The following CLEC16A variants were observed in gnomAD, a reference collection of about 807,000 sequenced individuals.
CLEC16A encodes the protein protein CLEC16A.
A neutral mutation model predicts 109.5 loss-of-function variants in CLEC16A; 51 were observed. The observed-to-expected ratio is 0.47, with a 90% CI of 0.37 to 0.59. The LOEUF (loss-of-function observed/expected upper bound fraction) is 0.59. CLEC16A is among the 20% of genes least tolerant of loss of function. CLEC16A has a pLI of 0.00. For missense variants in CLEC16A, 1,339 were observed against 1,394.0 expected (o/e 0.96, Z 0.63); for synonymous variants, 673 against 564.2 (o/e 1.19, Z -2.73).
chr16:11,139,949 A>G (rs1366905922), intron 22 of CLEC16A, among the ~76,000 whole-genome samples: 2 of 152,230 alleles, frequency 1.3e-5, no homozygotes, highest in African/African-American at 2.4e-5. Context: ...GTATGTAAAT[A>G]CTGTATAAAG....
rs568046974 is a variant in CLEC16A at position 11,053,763 on chromosome 16, A to C, written c.1995+2122A>C. ...GCTGAGCCACAAGTCAGCCCAGGCAATGTGGCCCCCAGAACCTAGACTCTT... is the reference window on the plus strand; with the variant it reads ...GCTGAGCCACAAGTCAGCCCAGGCACTGTGGCCCCCAGAACCTAGACTCTT... On this transcript the variant is annotated intron_variant, in intron 18 of 23. Transcript: ENST00000409790. 2.6e-5 allele frequency among the ~76,000 whole-genome samples: 4 copies of C among 152,290 alleles called. No homozygotes were observed. In the East Asian group the frequency reaches 7.7e-4, roughly 29 times the overall value.
intron 20 of CLEC16A, among the ~76,000 whole-genome samples, chr16:11,122,559 C>G (rs888778630): frequency 6.6e-6 from 1 of 152,140 alleles, no homozygotes; most frequent in Non-Finnish European, 1.5e-5. Context: ...ATGCAGAATG[C>G]CTCATCTGAT....
At position 10,982,924 on chromosome 16, in the gene CLEC16A, A is replaced by C; in HGVS notation, c.1004A>C (p.Glu335Ala). ...GCACCGCTGGTGAACTCGTTAGCTG[A>C]AGTCATTCTGAATGGTGATCTGTCT... Reference protein sequence around the residue: ...HHAPLVNSLAEVILNGDLSEM... With the variant: ...HHAPLVNSLAAVILNGDLSEM... Residue 335 changes from glutamate (E) to alanine (A), a missense_variant, in exon 10 of 24, where the codon GAA (glutamate) becomes GCA (alanine). By Grantham distance (107) the Glu-to-Ala change is moderately radical. Coordinates refer to ENST00000409790, the MANE Select transcript of CLEC16A (RefSeq NM_015226.3). The C allele has an allele frequency of 6.2e-7, 1 of 1,613,322 alleles. No homozygotes were observed. Among genetic ancestry groups the C allele is most frequent in the Non-Finnish European group, 8.5e-7 (1 of 1,179,244 alleles).
intron 23 of CLEC16A, among the ~76,000 whole-genome samples, chr16:11,175,516 T>C (rs1391069737): frequency 2.6e-5 from 4 of 152,148 alleles, no homozygotes; most frequent in Non-Finnish European, 5.9e-5. Flanking sequence ...TGGGTAATTT[T>C]CCCCCCAATG....
chr16:10,950,136 C>T (rs754511356), intron 1 of CLEC16A, among the ~76,000 whole-genome samples: 3 of 152,178 alleles, frequency 2.0e-5, no homozygotes, highest in Admixed American at 6.5e-5. Context: ...AGTTTCATCT[C>T]GGCCTTGAGT....
At position 11,057,923 on chromosome 16, in the gene CLEC16A, TAGATG is replaced by T. The variant is rs1311167028; in HGVS notation, c.1996-2975_1996-2971del. On this transcript the variant is annotated intron_variant, in intron 18 of 23. Transcript: ENST00000409790. Reference sequence around the variant, plus strand: ...GAACCATGCAGAGTCATTAAAAGCTTAGATGAGACAACCCCGTACAGCTGGCATAG... The same window carrying T: ...GAACCATGCAGAGTCATTAAAAGCTTAGACAACCCCGTACAGCTGGCATAG... 3.9e-5 allele frequency among the ~76,000 whole-genome samples: 6 copies of T among 152,296 alleles called. No individual in the cohort carries two copies. The East Asian group carries it at 1.2e-3, about 29-fold the overall frequency.
rs1291769501 is a variant in CLEC16A at position 11,083,637 on chromosome 16, C to A, written c.2116+22615C>A. ...TCACCCAACCATTTTTCTTTCCTTC[C>A]TAAGCCCATGTAATAATATCTGCCA... On this transcript the variant is annotated intron_variant, in intron 19 of 23. Coordinates refer to ENST00000409790, the MANE Select transcript of CLEC16A (RefSeq NM_015226.3). 5.4e-5 allele frequency among the ~76,000 whole-genome samples: 8 copies of A among 149,032 alleles called. No individual in the cohort carries two copies. The East Asian group carries it at 1.4e-3, about 25-fold the overall frequency.
At chr16:11,048,161 A>T (rs542159702) in intron 17 of CLEC16A, 1 of 152,504 alleles carries the variant, frequency 6.6e-6, no homozygotes, top group East Asian at 1.9e-4. Flanking sequence ...TGGCAGAGCC[A>T]CGCTTCTAGA....
intron 19 of CLEC16A, among the ~76,000 whole-genome samples, chr16:11,084,592 C>T (rs1387595384): frequency 1.3e-5 from 2 of 152,190 alleles, no homozygotes; most frequent in African/African-American, 2.4e-5. Flanking sequence ...ACACACTTTG[C>T]GTGGGTCTCT....
At chr16:11,147,995 C>T (rs576775126) in intron 22 of CLEC16A, among the ~76,000 whole-genome samples, 18 of 152,296 alleles carry the variant, frequency 1.2e-4, no homozygotes, top group Non-Finnish European at 2.2e-4. Context: ...AAACTCTGTT[C>T]TTACTGGTAA....
At chr16:11,002,591 C>A (rs1042663405) in intron 10 of CLEC16A, among the ~76,000 whole-genome samples, 1 of 152,098 alleles carries the variant, frequency 6.6e-6, no homozygotes, top group Non-Finnish European at 1.5e-5. Context: ...TCATTGCATC[C>A]ATCACTGGAG....
rs59547466 is a variant in CLEC16A, at chr16:10,986,012, A to ATTTTTTTTTTTTTT, written c.1071+3044_1071+3057dup. Reference sequence around the variant, plus strand: ...TGAGACACTGCACCTGGCCTGCAGAATTTTTTTTTTTTTTTTTTTTTTTTT... The same window carrying ATTTTTTTTTTTTTT: ...TGAGACACTGCACCTGGCCTGCAGAATTTTTTTTTTTTTTTTTTTTTTTTTTTTTTTTTTTTTTT... On this transcript the variant is annotated intron_variant, in intron 10 of 23. Coordinates refer to ENST00000409790, the MANE Select transcript of CLEC16A (RefSeq NM_015226.3). 4.1e-4 allele frequency among the ~76,000 whole-genome samples: 18 copies of ATTTTTTTTTTTTTT among 43,454 alleles called. 5 individuals are homozygous for ATTTTTTTTTTTTTT. Among genetic ancestry groups the ATTTTTTTTTTTTTT allele is most frequent in the African/African-American group, 1.4e-3 (12 of 8,822 alleles). 28.5% of individuals were successfully genotyped at this position (43,454 alleles called of 152,430 possible).
intron 11 of CLEC16A, among the ~76,000 whole-genome samples, chr16:11,013,758 C>G (rs2045578457): frequency 6.6e-6 from 1 of 151,496 alleles, no homozygotes; most frequent in Non-Finnish European, 1.5e-5. Flanking sequence ...GACTCTGTCT[C>G]AAAAATAAAT....
intron 22 of CLEC16A, among the ~76,000 whole-genome samples, chr16:11,133,447 C>T (rs2053362814): frequency 6.6e-6 from 1 of 152,036 alleles, no homozygotes; most frequent in South Asian, 2.1e-4. Context: ...GGGTCAGTCA[C>T]GTGACCCAGA....
At chr16:10,955,912 A>G (rs929124010) in intron 1 of CLEC16A, among the ~76,000 whole-genome samples, 3 of 152,204 alleles carry the variant, frequency 2.0e-5, no homozygotes, top group African/African-American at 7.2e-5. Flanking sequence ...GTCCAATTCA[A>G]TGGGTCTGGG....
rs28086 is a variant in CLEC16A, at chr16:11,153,953, C to T, written c.2642-12435C>T. On this transcript the variant is annotated intron_variant, in intron 22 of 23. Transcript: ENST00000409790. ...AATAAGTCCCCTTTTTGTGGGTCAT[C>T]TGTCAAGAAGACACACACCTCCCCA... is the stretch of plus-strand genomic sequence containing the variant. Among the ~76,000 whole-genome samples the T allele has an allele frequency of 1.9e-3, 287 of 152,282 alleles. 2 individuals carry two copies. Among genetic ancestry groups the T allele is most frequent in the African/African-American group, 6.7e-3 (278 of 41,550 alleles).
intron 19 of CLEC16A, among the ~76,000 whole-genome samples, chr16:11,079,307 C>G (rs144457828): frequency 1.3e-5 from 2 of 152,214 alleles, no homozygotes; most frequent in Non-Finnish European, 2.9e-5. Flanking sequence ...GGAGTAGAGA[C>G]TGTCCAGGCC....
chr16:11,081,641 T>C (rs2049724700), intron 19 of CLEC16A, among the ~76,000 whole-genome samples: 1 of 152,152 alleles, frequency 6.6e-6, no homozygotes, highest in African/African-American at 2.4e-5. Flanking sequence ...TATCATTTCT[T>C]ACAGGACAGC....
chr16:11,164,035 T>G (rs1407175950), intron 22 of CLEC16A, among the ~76,000 whole-genome samples: 2 of 152,106 alleles, frequency 1.3e-5, no homozygotes, highest in Non-Finnish European at 2.9e-5. Context: ...TCCTGCCCAG[T>G]GTTTGGATTT....
Sources: gnomAD v4.1 joint callset for allele counts (sites outside exome capture counted in the v4.1 genomes callset) on GRCh38, gnomAD v4.1.1 for gene constraint, MANE v1.5 for transcripts, NCBI Gene and HGNC (gene_info 2026-07-23, HGNC 2026-07-21) for gene names.